The following MSH3 variants were observed in gnomAD, a reference collection of about 807,000 sequenced individuals.
MSH3 encodes mutS homolog 3.
Under a neutral mutation model 123.3 loss-of-function variants are expected in MSH3, and 106 were observed. The ratio of observed to expected loss-of-function variants is 0.86; its 90% CI spans 0.73 to 1.01. The LOEUF (loss-of-function observed/expected upper bound fraction) is 1.01, where lower values mean the gene tolerates loss of function less well. Among genes scored for constraint, MSH3 ranks in the 50% least tolerant of loss-of-function variants. The pLI is 0.00. For synonymous variants in MSH3, 515 were observed against 481.4 expected (o/e 1.07, Z -0.91); for missense variants, 1,459 against 1,347.6 (o/e 1.08, Z -1.29).
At chr5:80,729,583 A>G (rs544404693) in intron 10 of MSH3, among the ~76,000 whole-genome samples, 1 of 152,146 alleles carries the variant, frequency 6.6e-6, no homozygotes, top group South Asian at 2.1e-4. Context: ...AAATAGTATT[A>G]AAAAGCATTC....
chr5:80,810,532 C>G (rs926777310), intron 19 of MSH3, among the ~76,000 whole-genome samples: 2 of 152,090 alleles, frequency 1.3e-5, no homozygotes, highest in African/African-American at 4.8e-5. Context: ...CATATCTTGA[C>G]AGCATACTGT....
chr5:80,752,576 G>A (rs939515225), intron 12 of MSH3, among the ~76,000 whole-genome samples: 1 of 152,046 alleles, frequency 6.6e-6, no homozygotes, highest in Non-Finnish European at 1.5e-5. Flanking sequence ...TTATGAATTT[G>A]TATATACCTC....
rs189015230 is a variant in MSH3 at position 80,801,825 on chromosome 5, A to G, written c.2655+8981A>G. Among the ~76,000 whole-genome samples the G allele has an allele frequency of 2.0e-5, 3 of 152,320 alleles. No homozygotes were observed. In the East Asian group the frequency reaches 5.8e-4, roughly 29 times the overall value. ...AACTCCCTGATTTTAGAGGGGAGGAAACTGAAGCCTAGAGAGGTGTATTGG... is the reference window on the plus strand; with the variant it reads ...AACTCCCTGATTTTAGAGGGGAGGAGACTGAAGCCTAGAGAGGTGTATTGG... On this transcript the variant is annotated intron_variant, in intron 19 of 23. Coordinates refer to ENST00000265081, the MANE Select transcript of MSH3 (RefSeq NM_002439.5).
At chr5:80,855,319 A>G (rs1261187321) in intron 21 of MSH3, among the ~76,000 whole-genome samples, 1 of 151,948 alleles carries the variant, frequency 6.6e-6, no homozygotes, top group Non-Finnish European at 1.5e-5. Context: ...TCTTCCTTAA[A>G]TAGCCAATAA....
intron 18 of MSH3, among the ~76,000 whole-genome samples, chr5:80,789,368 CT>C (rs554381029): frequency 0.085 from 11,831 of 139,040 alleles, 734 homozygotes; most frequent in East Asian, 0.32. Flanking sequence ...ACTGTAGTCA[CT>C]TTTTTTTTTT....
At chr5:80,744,807 C>G (rs1029995637) in intron 12 of MSH3, among the ~76,000 whole-genome samples, 192 bp downstream of exon 12, 2 of 152,152 alleles carry the variant, frequency 1.3e-5, no homozygotes, top group Non-Finnish European at 2.9e-5. Context: ...GTGAATGAGC[C>G]TGCCTGCAGA....
intron 20 of MSH3, among the ~76,000 whole-genome samples, chr5:80,824,079 C>CT (rs1745247875): frequency 6.6e-6 from 1 of 152,226 alleles, no homozygotes; most frequent in African/African-American, 2.4e-5. Context: ...AAAATGGAGT[C>CT]TCCTATGTCT....
At chr5:80,698,952 A>G (rs1750546602) in intron 8 of MSH3, among the ~76,000 whole-genome samples, 1 of 152,130 alleles carries the variant, frequency 6.6e-6, no homozygotes, top group South Asian at 2.1e-4. Flanking sequence ...AAGTATAATA[A>G]AAATATACAA....
At chr5:80,677,246 G>A (rs946785542) in intron 7 of MSH3, among the ~76,000 whole-genome samples, 10 of 152,150 alleles carry the variant, frequency 6.6e-5, no homozygotes, top group Non-Finnish European at 8.8e-5. Context: ...GAAATTCAAA[G>A]GGCTTTGCTG....
chr5:80,710,157 A>G (rs1234980280), intron 8 of MSH3, among the ~76,000 whole-genome samples: 1 of 152,218 alleles, frequency 6.6e-6, no homozygotes, highest in Non-Finnish European at 1.5e-5. Flanking sequence ...CCTCATAAAC[A>G]CCCTTGTGAG....
intron 20 of MSH3, among the ~76,000 whole-genome samples, chr5:80,825,451 T>C (rs1323395038): frequency 1.3e-5 from 2 of 152,244 alleles, no homozygotes. Flanking sequence ...CATTAATTTT[T>C]CCCTAATTAT....
intron 6 of MSH3, among the ~76,000 whole-genome samples, chr5:80,673,815 T>C (rs1251396883): frequency 6.6e-6 from 1 of 152,136 alleles, no homozygotes; most frequent in Non-Finnish European, 1.5e-5. Flanking sequence ...AAATTGTCAG[T>C]TTCAAAAGCC....
intron 11 of MSH3, among the ~76,000 whole-genome samples, chr5:80,743,430 C>T (rs1447699812): frequency 6.6e-6 from 1 of 152,050 alleles, no homozygotes; most frequent in Non-Finnish European, 1.5e-5. Flanking sequence ...ATCCTAATTA[C>T]GAGTCTTTTT....
intron 19 of MSH3, among the ~76,000 whole-genome samples, chr5:80,799,500 CTTTTTTTTTTTTTTTTTTTT>C (rs746348952): frequency 3.4e-4 from 11 of 32,326 alleles, no homozygotes; most frequent in South Asian, 4.0e-3. Flanking sequence ...GAAGATAGCA[CTTTTTTTTTTTTTTTTTTTT>C]TTTTTTTTTT....
chr5:80,845,316 C>G (rs1049804586), intron 20 of MSH3, among the ~76,000 whole-genome samples: 1 of 152,218 alleles, frequency 6.6e-6, no homozygotes, highest in East Asian at 1.9e-4. Flanking sequence ...GGACCTTTCT[C>G]TCTGACTGCC....
chr5:80,724,739 G>A (rs1161736868), intron 8 of MSH3, among the ~76,000 whole-genome samples: 1 of 152,156 alleles, frequency 6.6e-6, no homozygotes, highest in African/African-American at 2.4e-5. Flanking sequence ...GTTACTCAGT[G>A]CTGTATTCTG....
rs747362220 is a variant in MSH3, at chr5:80,873,110, TC to T, written c.3131-5del. On this transcript the variant is annotated splice_polypyrimidine_tract_variant and splice_region_variant and intron_variant, in intron 22 of 23. Transcript: ENST00000265081. Reference sequence around the variant, plus strand: ...ACAGTTTTGATCTCCTTTCTTTATTTCACAGGCGCAGCAGAACAAGTCCCTG... The same window carrying T: ...ACAGTTTTGATCTCCTTTCTTTATTTACAGGCGCAGCAGAACAAGTCCCTG... 4 of 1,612,250 alleles carry T rather than the reference TC, an allele frequency of 2.5e-6. No individual in the cohort carries two copies. The highest frequency in any genetic ancestry group is 2.5e-6 in the Non-Finnish European group (3 of 1,178,412).
chr5:80,869,278 T>G (rs1001218001), intron 22 of MSH3, among the ~76,000 whole-genome samples: 2 of 152,222 alleles, frequency 1.3e-5, no homozygotes, highest in African/African-American at 4.8e-5. Flanking sequence ...AGCAGAAACA[T>G]GAATTATTAC....
chr5:80,872,366 C>T (rs1299124330), intron 22 of MSH3, among the ~76,000 whole-genome samples: 1 of 152,008 alleles, frequency 6.6e-6, no homozygotes, highest in Non-Finnish European at 1.5e-5. Flanking sequence ...ACTCGGGAGG[C>T]TGAGATGGGA....
Sources: gnomAD v4.1 joint callset for allele counts (sites outside exome capture counted in the v4.1 genomes callset) on GRCh38, gnomAD v4.1.1 for gene constraint, MANE v1.5 for transcripts, NCBI Gene and HGNC (gene_info 2026-07-23, HGNC 2026-07-21) for gene names.